The following EP400 variants were observed in gnomAD, a reference collection of about 807,000 sequenced individuals.
The protein encoded by EP400 is E1A-binding protein p400.
EP400 carries 105 observed loss-of-function variants against 354.1 expected under a neutral mutation model. The observed-to-expected ratio is 0.30, with a 90% confidence interval of 0.25 to 0.35. EP400 has a LOEUF of 0.35. Ranked by LOEUF, EP400 falls within the 10% of genes least tolerant of loss-of-function variation. The pLI is 1.00. For missense variants in EP400, 3,280 were observed against 4,121.0 expected (o/e 0.80, Z 5.59); for synonymous variants, 1,646 against 1,716.9 (o/e 0.96, Z 1.02).
rs1405431036 is a variant in EP400 at position 131,987,824 on chromosome 12, G to C, written c.2343G>C (p.Glu781Asp). The change falls in exon 7 of 53, where the codon GAG (glutamate) becomes GAC (aspartate). Residue 781 changes from glutamate (E) to aspartate (D), a missense_variant. Transcript: ENST00000389561. ...RPKSHWDYLL[E>D]EMQWMATDFA... ...AGTCCCACTGGGACTATCTGCTGGA[G>C]GAGATGCAGTGGATGGCCACAGACT... is the stretch of plus-strand genomic sequence containing the variant. 2 of 1,613,736 alleles carry C rather than the reference G, an allele frequency of 1.2e-6. No homozygotes were observed. The highest frequency in any genetic ancestry group is 1.7e-6 in the Non-Finnish European group (2 of 1,179,916).
intron 15 of EP400, among the ~76,000 whole-genome samples, chr12:132,009,761 G>A (rs1893701846): frequency 6.6e-6 from 1 of 151,606 alleles, no homozygotes; most frequent in African/African-American, 2.4e-5. Context: ...CTGGGCTCCA[G>A]TGATCAACCC....
chr12:132,047,372 G>A (rs967518369), intron 39 of EP400, among the ~76,000 whole-genome samples: 1 of 152,284 alleles, frequency 6.6e-6, no homozygotes, highest in African/African-American at 2.4e-5. Context: ...ACCTGCCCCC[G>A]ATAGTCACGT....
chr12:132,000,011 A>G (rs1334059103), intron 12 of EP400, among the ~76,000 whole-genome samples: 1 of 136,130 alleles, frequency 7.3e-6, no homozygotes, highest in Non-Finnish European at 1.6e-5. Flanking sequence ...GCGCCTGTAT[A>G]TTGTTTTCTG....
At chr12:132,047,081 T>C (rs1001822390) in intron 39 of EP400, among the ~76,000 whole-genome samples, 3 of 152,274 alleles carry the variant, frequency 2.0e-5, no homozygotes, top group Non-Finnish European at 4.4e-5. Flanking sequence ...AGATCCATCC[T>C]CAGGATGCGA....
At chr12:132,049,663 T>C (rs1165737876) in intron 39 of EP400, among the ~76,000 whole-genome samples, 1 of 152,138 alleles carries the variant, frequency 6.6e-6, no homozygotes, top group African/African-American at 2.4e-5. Flanking sequence ...TGAGCCCTGG[T>C]CTTGACTTGT....
At chr12:131,966,562 C>CAAA (rs534384776) in intron 2 of EP400, among the ~76,000 whole-genome samples, 27 of 57,478 alleles carry the variant, frequency 4.7e-4, no homozygotes, top group South Asian at 3.1e-3. Context: ...TACCCTACCT[C>CAAA]AAAAAAAAAA....
At chr12:132,047,660 G>A (rs963337158) in intron 39 of EP400, among the ~76,000 whole-genome samples, 1 of 152,240 alleles carries the variant, frequency 6.6e-6, no homozygotes. Flanking sequence ...AGGACCACAG[G>A]ACCAGGGCGA....
Position 132,079,368 on chromosome 12 carries a change from C to T in EP400, c.*1695C>T, listed in dbSNP as rs553138651. On this transcript the variant is annotated 3_prime_UTR_variant, in exon 53 of 53. Coordinates refer to ENST00000389561, the MANE Select transcript of EP400 (RefSeq NM_015409.5). ...CCAACCCGTTCTCCCTGGCTTGGCA[C>T]GTGCCGTGAGAGCGCAGCTTGCCGG... The T allele has an allele frequency of 7.2e-5, 11 of 152,424 alleles. No individual in the cohort carries two copies. The highest frequency in any genetic ancestry group is 2.0e-4 in the Admixed American group (3 of 15,312). The allele number at this position is 152,424 out of a possible 1,614,324, so 9.4% of individuals were successfully genotyped here. A position where few individuals can be genotyped will look rare whatever the true frequency, so the allele number is the denominator to read the frequency against.
rs764522235 is a variant in EP400, at chr12:132,043,389, C to T, written c.6293C>T (p.Ser2098Leu). The T allele has an allele frequency of 3.1e-6, 5 of 1,613,806 alleles. No homozygotes were observed. The highest frequency in any genetic ancestry group is 1.7e-5 in the Admixed American group (1 of 60,008). The stretch of plus-strand genomic sequence containing the variant: ...CTGGGACCACACACTGATGCTCTGT[C>T]ATCAGACTCTGAGAACATGCCGTGT... Reference protein sequence around the residue: ...GVLGPHTDALSSDSENMPCDE... With the variant: ...GVLGPHTDALLSDSENMPCDE... The change falls in exon 33 of 53, where the codon TCA (serine) becomes TTA (leucine). Residue 2098 changes from serine to leucine, a missense_variant. By Grantham distance (145) the Ser-to-Leu change is moderately radical. Around this residue, in one of 20 missense-constraint regions of EP400, gnomAD observed 54 missense variants for 41.3 expected, o/e 1.31. Transcript: ENST00000389561.
chr12:132,029,674 T>A lies in EP400; in HGVS notation c.5382-27T>A. 6.2e-7 allele frequency: 1 copy of A among 1,605,538 alleles called. No individual in the cohort carries two copies. The highest frequency in any genetic ancestry group is 8.5e-7 in the Non-Finnish European group (1 of 1,175,100). ...GGTGAAGGTGTGTGGCTCCTGGTGG[T>A]GACAAAACATGCTTTCTGCTCCTCA... On this transcript the variant is annotated intron_variant, in intron 27 of 52. Coordinates refer to ENST00000389561, the MANE Select transcript of EP400 (RefSeq NM_015409.5). The surrounding 1 kb of genome is among the most constrained non-coding windows in gnomAD (Gnocchi z 4.7).
Position 132,062,545 on chromosome 12 carries a change from A to ACAACAGCAG in EP400, c.8181_8189dup (p.Gln2746_Gln2748dup). ...TCAGGCAGCAGCAGCAGCAGCAGCA[A>ACAACAGCAG]CAACAGCAGCAGCAGCAGCAGCAGC... is the stretch of plus-strand genomic sequence containing the variant. On this transcript the variant is annotated inframe_insertion, in exon 47 of 53. Transcript: ENST00000389561. The ACAACAGCAG allele has an allele frequency of 7.7e-7, 1 of 1,299,600 alleles. No individual in the cohort carries two copies. The highest frequency in any genetic ancestry group is 1.0e-6 in the Non-Finnish European group (1 of 979,420). The allele number at this position is 1,299,600 out of a possible 1,614,324, so 80.5% of individuals were successfully genotyped here. A position where few individuals can be genotyped will look rare whatever the true frequency, so the allele number is the denominator to read the frequency against.
rs1895372743 is a variant in EP400 at position 132,053,408 on chromosome 12, GCCCCCACCAC to G, written c.7544_7553del (p.Pro2515ArgfsTer77). 1 of 1,078,506 alleles carries G rather than the reference GCCCCCACCAC, an allele frequency of 9.3e-7. No homozygotes were observed. Among genetic ancestry groups the G allele is most frequent in the Non-Finnish European group, 1.2e-6 (1 of 822,410 alleles). The allele number at this position is 1,078,506 out of a possible 1,614,324, so 66.8% of individuals were successfully genotyped here. ...CCCAGCCACCCCCGCCCCAGCCGCAGCCCCCACCACCCCCGCAGCAGCCACCGCCACCGCT... is the reference window on the plus strand; with the variant it reads ...CCCAGCCACCCCCGCCCCAGCCGCAGCCCCGCAGCAGCCACCGCCACCGCT... On this transcript the variant is annotated frameshift_variant, in exon 43 of 53. Coordinates refer to ENST00000389561, the MANE Select transcript of EP400 (RefSeq NM_015409.5). LOFTEE classifies it high-confidence loss of function.
rs374407310 is a variant in EP400 at position 131,984,813 on chromosome 12, C to T, written c.1930-1701C>T. On this transcript the variant is annotated intron_variant, in intron 5 of 52. Coordinates refer to ENST00000389561, the MANE Select transcript of EP400 (RefSeq NM_015409.5). ...TCCTGGGTTCAAACCATTCTCCTGC[C>T]TCAGCCTCCCGAGTAGCTGGGACTA... 6.6e-5 allele frequency among the ~76,000 whole-genome samples: 10 copies of T among 152,018 alleles called. 1 individual carries two copies. The South Asian group carries it at 1.9e-3, about 28-fold the overall frequency.
intron 2 of EP400, among the ~76,000 whole-genome samples, chr12:131,963,871 G>T (rs188014447): frequency 2.0e-5 from 3 of 152,142 alleles, no homozygotes; most frequent in African/African-American, 7.2e-5. Context: ...TTGTAATGCG[G>T]TAGTAGCTTT....
intron 32 of EP400, 72 bp from the exon 33 acceptor site, chr12:132,043,232 G>A (rs1187318936): frequency 2.0e-6 from 3 of 1,519,626 alleles, no homozygotes; most frequent in Non-Finnish European, 2.7e-6. Flanking sequence ...AACTTTACAT[G>A]GGATAGCTCT....
rs1347238768 is a variant in EP400, at chr12:132,011,490, C to T, written c.3305-8C>T. 6.2e-7 allele frequency: 1 copy of T among 1,609,570 alleles called. No homozygotes were observed. The highest frequency in any genetic ancestry group is 8.5e-7 in the Non-Finnish European group (1 of 1,178,722). ...TTGACGTGGAAAATTCTGTTTTTTG[C>T]TTTGTAGGTAATTGGGGCCCCCATC... On this transcript the variant is annotated splice_polypyrimidine_tract_variant and splice_region_variant and intron_variant, in intron 15 of 52. Transcript: ENST00000389561.
chr12:131,998,852 A>T (rs12369565), intron 12 of EP400, among the ~76,000 whole-genome samples: 590 of 56,900 alleles, frequency 0.01, 6 homozygotes, highest in Non-Finnish European at 0.014. Context: ...GTATACAAAG[A>T]CTTTGTATAC....
intron 29 of EP400, among the ~76,000 whole-genome samples, chr12:132,031,747 G>A (rs556996773): frequency 6.6e-6 from 1 of 152,024 alleles, no homozygotes; most frequent in African/African-American, 2.4e-5. Context: ...AGTAGAGACG[G>A]GGTTTCGCCA....
At chr12:132,043,843 A>G in intron 34 of EP400, 115 bp downstream of exon 34, 1 of 969,604 alleles carries the variant, frequency 1.0e-6, no homozygotes, top group Non-Finnish European at 1.5e-6. Flanking sequence ...AAAACCCACA[A>G]GTATGGAAAT....
Sources: gnomAD v4.1 joint callset for allele counts (sites outside exome capture counted in the v4.1 genomes callset) on GRCh38, gnomAD v4.1.1 for gene constraint, gnomAD v4.1.1 regional missense constraint, Gnocchi (gnomAD v3.1) non-coding constraint, MANE v1.5 for transcripts, NCBI Gene and HGNC (gene_info 2026-07-23, HGNC 2026-07-21) for gene names.